Variants in EDIL3 observed in about 807,000 individuals in gnomAD.
EDIL3 encodes EGF-like repeat and discoidin I-like domain-containing protein 3.
In EDIL3, 37 loss-of-function variants were observed where a neutral mutation model predicts 67.4. That is an observed-to-expected ratio of 0.55 (90% CI 0.42 to 0.72). The LOEUF (loss-of-function observed/expected upper bound fraction) is 0.72, where lower values mean the gene tolerates loss of function less well. EDIL3 is among the 30% of genes least tolerant of loss of function. The pLI is 0.00. For synonymous variants in EDIL3, 195 were observed against 196.3 expected (o/e 0.99, Z 0.05); for missense variants, 527 against 586.3 (o/e 0.90, Z 1.04).
At position 84,384,458 on chromosome 5, in the gene EDIL3, G is replaced by C; in HGVS notation, c.-84C>G. 1.5e-6 allele frequency: 2 copies of C among 1,321,712 alleles called. No homozygotes were observed. Among genetic ancestry groups the C allele is most frequent in the East Asian group, 2.3e-5 (1 of 42,592 alleles). The allele number at this position is 1,321,712 out of a possible 1,614,324, so 81.9% of individuals were successfully genotyped here. A position where few individuals can be genotyped will look rare whatever the true frequency, so the allele number is the denominator to read the frequency against. Reference sequence around the variant, plus strand: ...GCCGAGGTGGCAGCGCAGGGCAGCAGCAGACTCCGCCCCTACTAAAGAATT... The same window carrying C: ...GCCGAGGTGGCAGCGCAGGGCAGCACCAGACTCCGCCCCTACTAAAGAATT... On this transcript the variant is annotated 5_prime_UTR_variant, in exon 1 of 11. Coordinates refer to ENST00000296591, the MANE Select transcript of EDIL3 (RefSeq NM_005711.5).
At chr5:84,261,252 A>G (rs2051872084) in intron 1 of EDIL3, among the ~76,000 whole-genome samples, 2 of 152,220 alleles carry the variant, frequency 1.3e-5, no homozygotes, top group Admixed American at 6.5e-5. Flanking sequence ...AAACTCACAG[A>G]AAATGTTAGC....
intron 6 of EDIL3, among the ~76,000 whole-genome samples, chr5:84,070,902 G>C (rs527744250): frequency 1.2e-4 from 18 of 152,240 alleles, no homozygotes; most frequent in African/African-American, 4.3e-4. Flanking sequence ...AACTCCAAGG[G>C]CTCATAAAGG....
chr5:83,975,407 A>G (rs1744861350), intron 9 of EDIL3, among the ~76,000 whole-genome samples: 1 of 151,948 alleles, frequency 6.6e-6, no homozygotes, highest in Non-Finnish European at 1.5e-5. Context: ...TTAATAAATC[A>G]CTTGAAACAA....
chr5:84,218,739 C>T (rs1744281592), intron 3 of EDIL3, among the ~76,000 whole-genome samples: 1 of 152,194 alleles, frequency 6.6e-6, no homozygotes, highest in South Asian at 2.1e-4. Context: ...GACTCAAGGG[C>T]CCTGGGGCCT....
At chr5:84,096,863 C>A (rs1367343142) in intron 6 of EDIL3, among the ~76,000 whole-genome samples, 1 of 152,116 alleles carries the variant, frequency 6.6e-6, no homozygotes, top group Non-Finnish European at 1.5e-5. Context: ...GCGGGTCTTT[C>A]CCATGCTATT....
chr5:84,137,484 T>C, intron 4 of EDIL3, 130 bp from the exon 5 acceptor site: 2 of 689,464 alleles, frequency 2.9e-6, no homozygotes, highest in Non-Finnish European at 2.4e-6. Flanking sequence ...GGCATGTGTG[T>C]GTTTAGTCAG....
chr5:84,131,707 T>C (rs1747969875), intron 5 of EDIL3, among the ~76,000 whole-genome samples: 1 of 152,134 alleles, frequency 6.6e-6, no homozygotes, highest in Non-Finnish European at 1.5e-5. Flanking sequence ...GCTTGACACA[T>C]AGTAATGCTT....
chr5:84,150,142 C>T (rs537142757), intron 4 of EDIL3, among the ~76,000 whole-genome samples: 3 of 152,206 alleles, frequency 2.0e-5, no homozygotes, highest in African/African-American at 7.2e-5. Flanking sequence ...ATCGTTATTA[C>T]AAAAGACATC....
intron 1 of EDIL3, among the ~76,000 whole-genome samples, chr5:84,368,093 T>C (rs535429108): frequency 5.3e-5 from 8 of 152,302 alleles, no homozygotes; most frequent in South Asian, 2.1e-4. Flanking sequence ...CTGGAATCTA[T>C]TGAGGGCTTG....
chr5:84,357,887 CAA>C (rs140686250), intron 1 of EDIL3, among the ~76,000 whole-genome samples: 7 of 79,262 alleles, frequency 8.8e-5, no homozygotes, highest in Admixed American at 2.8e-4. Context: ...GACTCAGTCT[CAA>C]AAAAAAAAAA....
At chr5:84,312,612 A>ACC (rs70975551) in intron 1 of EDIL3, among the ~76,000 whole-genome samples, 7 of 139,008 alleles carry the variant, frequency 5.0e-5, no homozygotes, top group Non-Finnish European at 1.1e-4. Context: ...CGGGGGGCTG[A>ACC]CCCCCCCACC....
chr5:83,958,867 A>C (rs183874035), intron 10 of EDIL3, among the ~76,000 whole-genome samples: 13 of 151,534 alleles, frequency 8.6e-5, no homozygotes, highest in Middle Eastern at 3.4e-3. Flanking sequence ...TTTCAAATAA[A>C]AATGTACCTG....
At chr5:84,182,159 G>A (rs993127691) in intron 3 of EDIL3, among the ~76,000 whole-genome samples, 1 of 152,056 alleles carries the variant, frequency 6.6e-6, no homozygotes, top group Non-Finnish European at 1.5e-5. Context: ...GAACGAGGTG[G>A]TGCACGCCTG....
At chr5:84,124,595 TA>T (rs1481577585) in intron 5 of EDIL3, among the ~76,000 whole-genome samples, 1 of 151,970 alleles carries the variant, frequency 6.6e-6, no homozygotes, top group Non-Finnish European at 1.5e-5. Flanking sequence ...AAAATTACTT[TA>T]TTCTTATCAT....
intron 6 of EDIL3, among the ~76,000 whole-genome samples, chr5:84,089,886 G>T (rs1342201760): frequency 1.3e-5 from 2 of 152,106 alleles, no homozygotes; most frequent in African/African-American, 4.8e-5. Flanking sequence ...CATCCTCAAA[G>T]ATGCTAAATA....
intron 1 of EDIL3, among the ~76,000 whole-genome samples, chr5:84,303,618 CATT>C (rs1464404126): frequency 6.6e-6 from 1 of 152,130 alleles, no homozygotes; most frequent in Admixed American, 6.5e-5. Flanking sequence ...AGAAAACAGT[CATT>C]ATATTATTAT....
intron 9 of EDIL3, among the ~76,000 whole-genome samples, chr5:84,041,449 T>G (rs1580294574): frequency 6.6e-6 from 1 of 151,574 alleles, no homozygotes; most frequent in Admixed American, 6.6e-5. Flanking sequence ...GTGGTGTGCT[T>G]TTTCCCACTG....
At chr5:84,100,179 G>A (rs1349320911) in intron 6 of EDIL3, among the ~76,000 whole-genome samples, 2 of 152,046 alleles carry the variant, frequency 1.3e-5, no homozygotes, top group Non-Finnish European at 2.9e-5. Flanking sequence ...GATTCCTTAA[G>A]GATCTAGAAC....
chr5:84,180,645 T>A (rs2112357726), intron 3 of EDIL3, 124 bp from the exon 4 acceptor site: 2 of 1,125,092 alleles, frequency 1.8e-6, no homozygotes, highest in East Asian at 5.8e-5. Context: ...ATAGTAAATG[T>A]ACTGGTTGTA....
Sources: allele counts gnomAD v4.1 joint callset (sites outside exome capture counted in the v4.1 genomes callset), GRCh38; gene constraint gnomAD v4.1.1; transcripts MANE v1.5; gene names NCBI Gene and HGNC (gene_info 2026-07-23, HGNC 2026-07-21).